Variants in LRRC7 observed in about 807,000 individuals in gnomAD.
LRRC7 encodes leucine rich repeat containing 7.
LRRC7 carries 23 observed loss-of-function variants against 175.7 expected under a neutral mutation model. The ratio of observed to expected loss-of-function variants is 0.13; its 90% CI spans 0.09 to 0.19. The LOEUF (loss-of-function observed/expected upper bound fraction) is 0.19. LRRC7 is among the 10% of genes least tolerant of loss of function. The probability of loss-of-function intolerance (pLI) is 1.00; values close to 1 mark genes in which losing one functional copy is unlikely to be tolerated. For synonymous variants in LRRC7, 685 were observed against 680.9 expected, an observed-to-expected ratio of 1.01 and a Z score of -0.09; for missense variants, 1,354 against 1,904.7, an observed-to-expected ratio of 0.71 and a Z score of 5.38.
intron 2 of LRRC7, among the ~76,000 whole-genome samples, chr1:69,680,428 A>G (rs1660332763): frequency 6.6e-6 from 1 of 152,180 alleles, no homozygotes; most frequent in South Asian, 2.1e-4. Context: ...AAGGTACATG[A>G]TATAACCGTC....
intron 9 of LRRC7, among the ~76,000 whole-genome samples, chr1:69,981,984 T>C (rs1056052838): frequency 1.3e-5 from 2 of 152,170 alleles, no homozygotes; most frequent in Non-Finnish European, 2.9e-5. Context: ...CCCAGGGAGC[T>C]GTAATTCAAA....
chr1:69,974,319 TG>T (rs1474282087), intron 8 of LRRC7, among the ~76,000 whole-genome samples: 1 of 152,212 alleles, frequency 6.6e-6, no homozygotes, highest in Non-Finnish European at 1.5e-5. Flanking sequence ...ATTTTTACGT[TG>T]ATTTTTCTAT....
chr1:69,786,838 C>G (rs1410561328), intron 3 of LRRC7, among the ~76,000 whole-genome samples: 2 of 152,186 alleles, frequency 1.3e-5, no homozygotes, highest in African/African-American at 4.8e-5. Context: ...CATTCTGCCC[C>G]TGTACTCTCC....
rs1472571531 is a variant in LRRC7, at chr1:70,076,132, G to A, written c.4286G>A (p.Arg1429Gln). ...TCCCAAAGCCTTCAGCATCGCAGCC[G>A]GGAGCAGCAGCCGTATGAAGGAAAT... ...MGSQSLQHRS[R>Q]EQQPYEGNIN... The change falls in exon 24 of 27, where the codon CGG becomes CAG. Residue 1429 changes from arginine (R) to glutamine (Q), a missense_variant. Arg to Gln is a conservative substitution (Grantham distance 43). Transcript: ENST00000651989. The A allele has an allele frequency of 3.7e-6, 6 of 1,614,022 alleles. No homozygotes were observed. Among genetic ancestry groups the A allele is most frequent in the Admixed American group, 1.7e-5 (1 of 60,000 alleles).
At position 70,036,569 on chromosome 1, in the gene LRRC7, G is replaced by A. The variant is rs1659337595; in HGVS notation, c.2233G>A (p.Gly745Arg). The A allele has an allele frequency of 6.2e-7, 1 of 1,613,982 alleles. No homozygotes were observed. The highest frequency in any genetic ancestry group is 8.5e-7 in the Non-Finnish European group (1 of 1,179,926). The change falls in exon 20 of 27, where the codon GGG becomes AGG. Residue 745 changes from glycine (G) to arginine (R), a missense_variant. Gly to Arg is a moderately radical substitution (Grantham distance 125). Around this residue, in one of 4 missense-constraint regions of LRRC7, gnomAD observed 1,032 missense variants for 1,227.2 expected, o/e 0.84. Transcript: ENST00000651989. Reference protein sequence around the residue: ...SGSSNTRVKVGSLQTTAKDAV... With the variant: ...SGSSNTRVKVRSLQTTAKDAV... Reference sequence around the variant, plus strand: ...ATCCTCTAATACCCGGGTTAAAGTGGGGTCCTTGCAGACAACAGCTAAAGA... The same window carrying A: ...ATCCTCTAATACCCGGGTTAAAGTGAGGTCCTTGCAGACAACAGCTAAAGA...
At chr1:69,744,676 G>T (rs904955446) in intron 2 of LRRC7, among the ~76,000 whole-genome samples, 3 of 151,780 alleles carry the variant, frequency 2.0e-5, no homozygotes, top group African/African-American at 7.3e-5. Context: ...ATGTCAGTAA[G>T]ATATGTAAAT....
chr1:69,859,593 G>A (rs952177417), intron 7 of LRRC7, among the ~76,000 whole-genome samples: 2 of 151,906 alleles, frequency 1.3e-5, no homozygotes, highest in Non-Finnish European at 2.9e-5. Flanking sequence ...TAGCAATAAT[G>A]GATTCTGATA....
intron 4 of LRRC7, among the ~76,000 whole-genome samples, chr1:69,800,548 T>C (rs1676351954): frequency 6.6e-6 from 1 of 152,026 alleles, no homozygotes; most frequent in Non-Finnish European, 1.5e-5. Context: ...AGCTTGTTAT[T>C]GGCGTACAGA....
intron 3 of LRRC7, among the ~76,000 whole-genome samples, chr1:69,782,387 A>G (rs1296932582): frequency 6.6e-6 from 1 of 152,228 alleles, no homozygotes; most frequent in Non-Finnish European, 1.5e-5. Flanking sequence ...ACAGAACACT[A>G]CAAAAGTATG....
intron 7 of LRRC7, among the ~76,000 whole-genome samples, chr1:69,864,823 C>T (rs12075318): frequency 0.097 from 14,756 of 152,044 alleles, 1,681 homozygotes; most frequent in African/African-American, 0.28. Context: ...TATTAAGGAA[C>T]GCTGAATATT....
At chr1:69,652,615 T>C in intron 1 of LRRC7, among the ~76,000 whole-genome samples, 1 of 152,098 alleles carries the variant, frequency 6.6e-6, no homozygotes, top group African/African-American at 2.4e-5. Flanking sequence ...AATTGTGTAA[T>C]TGTTTTTTCA....
Position 69,888,572 on chromosome 1 carries a change from G to A in LRRC7, c.648-42935G>A, listed in dbSNP as rs552760383. Among the ~76,000 whole-genome samples the A allele has an allele frequency of 2.6e-4, 39 of 152,242 alleles. 1 individual carries two copies. Among genetic ancestry groups the A allele is most frequent in the South Asian group, 2.1e-3 (10 of 4,828 alleles). On this transcript the variant is annotated intron_variant, in intron 7 of 26. Transcript: ENST00000651989. ...TCAGATGGAAATGCAGAAATCACCC[G>A]TCTTCTGCGTCGCTCACGCTGGGAG...
intron 23 of LRRC7, among the ~76,000 whole-genome samples, chr1:70,058,924 A>G (rs559320587): frequency 6.6e-6 from 1 of 152,278 alleles, no homozygotes; most frequent in South Asian, 2.1e-4. Flanking sequence ...AAGTATTAGG[A>G]GTCTTAAACA....
At chr1:69,667,214 G>C (rs137977079) in intron 1 of LRRC7, among the ~76,000 whole-genome samples, 1,645 of 152,154 alleles carry the variant, frequency 0.011, 17 homozygotes, top group African/African-American at 0.028. Flanking sequence ...GACTTGTTTT[G>C]TGATTTAACA....
intron 2 of LRRC7, among the ~76,000 whole-genome samples, chr1:69,692,838 GA>G (rs1226817381): frequency 6.6e-6 from 1 of 150,810 alleles, no homozygotes; most frequent in East Asian, 2.0e-4. Flanking sequence ...AATGTTTTCA[GA>G]AAAAAAAATA....
intron 2 of LRRC7, among the ~76,000 whole-genome samples, chr1:69,747,473 T>C (rs1179349569): frequency 6.6e-6 from 1 of 152,158 alleles, no homozygotes; most frequent in Non-Finnish European, 1.5e-5. Context: ...TGAAGAATTG[T>C]ATACATATTC....
At chr1:69,871,535 T>G (rs1057325118) in intron 7 of LRRC7, among the ~76,000 whole-genome samples, 3 of 152,030 alleles carry the variant, frequency 2.0e-5, no homozygotes, top group Non-Finnish European at 4.4e-5. Flanking sequence ...TAAAATATAG[T>G]CGAGTATTTA....
chr1:69,601,814 G>A (rs1272774740), intron 1 of LRRC7, among the ~76,000 whole-genome samples: 1 of 151,966 alleles, frequency 6.6e-6, no homozygotes, highest in Admixed American at 6.6e-5. Context: ...GCTCTTTTGA[G>A]GCCCAGAGCA....
At chr1:69,896,384 A>G (rs1645980020) in intron 7 of LRRC7, among the ~76,000 whole-genome samples, 1 of 152,186 alleles carries the variant, frequency 6.6e-6, no homozygotes, top group Admixed American at 6.5e-5. Flanking sequence ...TCTATCAAAC[A>G]CTACATCTTA....
Sources: allele counts gnomAD v4.1 joint callset (sites outside exome capture counted in the v4.1 genomes callset), GRCh38; gene constraint gnomAD v4.1.1; regional missense constraint gnomAD v4.1.1; transcripts MANE v1.5; gene names NCBI Gene and HGNC (gene_info 2026-07-23, HGNC 2026-07-21).